Variants in AGAP1 observed in about 807,000 individuals in gnomAD.
AGAP1 encodes ArfGAP with GTPase domain, ankyrin repeat and PH domain 1.
In AGAP1, 29 loss-of-function variants were observed where a neutral mutation model predicts 105.3. That is an observed-to-expected ratio of 0.28 (90% CI 0.21 to 0.38). The LOEUF (loss-of-function observed/expected upper bound fraction) is 0.38. Among genes scored for constraint, AGAP1 ranks in the 10% least tolerant of loss-of-function variants. AGAP1 has a pLI of 1.00. For missense variants in AGAP1, 998 were observed against 1,165.1 expected, an observed-to-expected ratio of 0.86 and a Z score of 2.09; for synonymous variants, 509 against 485.9, an observed-to-expected ratio of 1.05 and a Z score of -0.63.
intron 9 of AGAP1, chr2:235,852,701 G>A: frequency 6.6e-7 from 1 of 1,512,382 alleles, no homozygotes; most frequent in Non-Finnish European, 8.9e-7. Flanking sequence ...GCCCTTCTTT[G>A]TCCTTGCACT....
At position 235,744,808 on chromosome 2, in the gene AGAP1, C is replaced by T. The variant is rs757710967; in HGVS notation, c.507C>T (p.Ser169=). 4.8e-5 allele frequency: 77 copies of T among 1,613,964 alleles called. 1 individual carries two copies. Among genetic ancestry groups the T allele is most frequent in the South Asian group, 1.6e-4 (15 of 91,072 alleles). Residue 169 remains serine (S), a synonymous_variant, in exon 5 of 18, where the codon AGC becomes AGT. Transcript: ENST00000304032. This position sits in a 1 kb window ranked among gnomAD's most constrained non-coding sequence, Gnocchi z 5.2. The part of the protein sequence containing the change: ...YSRMANYRNT[S]EIPLVLVGTQ... ...GAATGGCCAACTATCGGAACACGAG[C>T]GAGATTCCTCTGGTTCTGGTGGGAA...
At chr2:235,884,194 T>C (rs10178509) in intron 10 of AGAP1, among the ~76,000 whole-genome samples, 62,820 of 151,950 alleles carry the variant, frequency 0.41, 13,215 homozygotes, top group South Asian at 0.64. Context: ...GTCAGTCATT[T>C]GATTCCATTG....
At chr2:235,646,471 T>G (rs1947390792) in intron 1 of AGAP1, among the ~76,000 whole-genome samples, 1 of 152,148 alleles carries the variant, frequency 6.6e-6, no homozygotes, top group Admixed American at 6.5e-5. Flanking sequence ...TCAGGAATAA[T>G]TTTATTGACC....
rs976361813 is a variant in AGAP1 at position 236,083,836 on chromosome 2, T to C, written c.2114+34555T>C. ...GTGCCTCTTCTGAGATCCCATTCGA[T>C]GCTCTGCCCTCAATTAAATGAATCC... is the stretch of plus-strand genomic sequence containing the variant. On this transcript the variant is annotated intron_variant, in intron 16 of 17. Coordinates refer to ENST00000304032, the MANE Select transcript of AGAP1 (RefSeq NM_001037131.3). The surrounding 1 kb of genome is among the most constrained non-coding windows in gnomAD (Gnocchi z 5.3). Among the ~76,000 whole-genome samples the C allele has an allele frequency of 3.9e-5, 6 of 152,144 alleles. No homozygotes were observed. Among genetic ancestry groups the C allele is most frequent in the African/African-American group, 1.4e-4 (6 of 41,418 alleles).
At chr2:235,581,707 G>A (rs1171104521) in intron 1 of AGAP1, among the ~76,000 whole-genome samples, 2 of 152,094 alleles carry the variant, frequency 1.3e-5, no homozygotes, top group African/African-American at 4.8e-5. Context: ...TCAAGAGGCT[G>A]AGGCAGAGAA....
At position 235,612,779 on chromosome 2, in the gene AGAP1, C is replaced by G. The variant is rs1946177436; in HGVS notation, c.164-96400C>G. 6.6e-6 allele frequency among the ~76,000 whole-genome samples: 1 copy of G among 152,152 alleles called. No individual in the cohort carries two copies. The highest frequency in any genetic ancestry group is 1.5e-5 in the Non-Finnish European group (1 of 68,018). ...ATGCCGGACGCATACCTGGCACCTG[C>G]TTCCAGGTTGGCCTGCCAGCCGATG... On this transcript the variant is annotated intron_variant, in intron 1 of 17. Coordinates refer to ENST00000304032, the MANE Select transcript of AGAP1 (RefSeq NM_001037131.3). The surrounding 1 kb of genome is among the most constrained non-coding windows in gnomAD (Gnocchi z 4.3).
chr2:236,044,208 T>C lies in AGAP1; in HGVS notation c.1891+3367T>C, dbSNP rs1481750528. Among the ~76,000 whole-genome samples the C allele has an allele frequency of 6.6e-6, 1 of 152,208 alleles. No individual in the cohort carries two copies. The highest frequency in any genetic ancestry group is 1.5e-5 in the Non-Finnish European group (1 of 68,032). On this transcript the variant is annotated intron_variant, in intron 15 of 17. Transcript: ENST00000304032. This position sits in a 1 kb window ranked among gnomAD's most constrained non-coding sequence, Gnocchi z 5.7. ...CTTCCGGGGAGTACTGCTCTGAAGC[T>C]ACCTGTTCAGCATGGCCCAACCCAG...
chr2:235,648,723 A>C (rs78897403), intron 1 of AGAP1, among the ~76,000 whole-genome samples: 6 of 151,586 alleles, frequency 4.0e-5, no homozygotes, highest in Non-Finnish European at 5.9e-5. Flanking sequence ...AAAAAAAAAA[A>C]AAAAAAAAAA....
chr2:235,743,896 C>T (rs1385826894), intron 4 of AGAP1, among the ~76,000 whole-genome samples: 1 of 152,224 alleles, frequency 6.6e-6, no homozygotes, highest in Non-Finnish European at 1.5e-5. Context: ...CTCTGCCCTG[C>T]AGGCAGCCTC....
intron 9 of AGAP1, among the ~76,000 whole-genome samples, chr2:235,819,609 G>A (rs1020615118): frequency 6.6e-6 from 1 of 152,132 alleles, no homozygotes; most frequent in Admixed American, 6.5e-5. Flanking sequence ...TGAGGCCCGT[G>A]TCAGATGCCT....
chr2:236,001,410 G>A lies in AGAP1; in HGVS notation c.1645+32787G>A, dbSNP rs2056115290. Among the ~76,000 whole-genome samples the A allele has an allele frequency of 6.6e-6, 1 of 152,240 alleles. No homozygotes were observed. Among genetic ancestry groups the A allele is most frequent in the Non-Finnish European group, 1.5e-5 (1 of 68,046 alleles). ...GTCCTCTGCACAGTAGGGAGCTGGG[G>A]AAGGTGTGTGGCTACTAACGTGAGC... On this transcript the variant is annotated intron_variant, in intron 13 of 17. Transcript: ENST00000304032. This position sits in a 1 kb window ranked among gnomAD's most constrained non-coding sequence, Gnocchi z 4.7.
At chr2:235,768,648 G>T (rs774721365) in intron 6 of AGAP1, among the ~76,000 whole-genome samples, 5 of 152,226 alleles carry the variant, frequency 3.3e-5, no homozygotes, top group Non-Finnish European at 5.9e-5. Context: ...AGGTGTTGCA[G>T]TCGAATCAGT....
chr2:235,929,901 A>T (rs1328615386), intron 11 of AGAP1, among the ~76,000 whole-genome samples: 1 of 152,194 alleles, frequency 6.6e-6, no homozygotes, highest in African/African-American at 2.4e-5. Flanking sequence ...GACAGCTTAG[A>T]ACTTAGCTGG....
chr2:235,641,301 T>TC (rs1947182284), intron 1 of AGAP1, among the ~76,000 whole-genome samples: 2 of 83,868 alleles, frequency 2.4e-5, no homozygotes, highest in African/African-American at 9.6e-5. Context: ...GATTCTTTCT[T>TC]TCTCTCTCTC....
Position 235,823,711 on chromosome 2 carries a change from G to A in AGAP1, c.1050+16380G>A, listed in dbSNP as rs376073713. ...GACCCAGATATTTTTATTGTATTGC[G>A]ACTGGTCAGCTTTTTCTAAGTTGAA... On this transcript the variant is annotated intron_variant, in intron 9 of 17. Coordinates refer to ENST00000304032, the MANE Select transcript of AGAP1 (RefSeq NM_001037131.3). Among the ~76,000 whole-genome samples the A allele has an allele frequency of 2.8e-4, 42 of 152,268 alleles. No homozygotes were observed. In the South Asian group the frequency reaches 7.7e-3, roughly 28 times the overall value.
At chr2:235,755,926 C>A (rs751520815) in intron 6 of AGAP1, among the ~76,000 whole-genome samples, 1 of 152,256 alleles carries the variant, frequency 6.6e-6, no homozygotes, top group Non-Finnish European at 1.5e-5. Flanking sequence ...GCTGAAAGGT[C>A]ACCTAAAATA....
chr2:235,760,988 AT>A (rs1221724744), intron 6 of AGAP1, among the ~76,000 whole-genome samples: 1 of 152,210 alleles, frequency 6.6e-6, no homozygotes, highest in African/African-American at 2.4e-5. Flanking sequence ...GAATATCTTA[AT>A]TATCATTGTG....
chr2:235,814,273 C>T (rs551104740), intron 9 of AGAP1, among the ~76,000 whole-genome samples: 3 of 152,294 alleles, frequency 2.0e-5, no homozygotes, highest in South Asian at 4.1e-4. Context: ...CCCATTTCAC[C>T]GGGATAATAT....
chr2:235,547,314 A>G (rs1388607119), intron 1 of AGAP1, among the ~76,000 whole-genome samples: 1 of 147,582 alleles, frequency 6.8e-6, no homozygotes, highest in African/African-American at 2.5e-5. Context: ...TCCTCCTATC[A>G]CCTGAATAAA....
Sources: allele counts gnomAD v4.1 joint callset (sites outside exome capture counted in the v4.1 genomes callset), GRCh38; gene constraint gnomAD v4.1.1; non-coding constraint Gnocchi (gnomAD v3.1); transcripts MANE v1.5; gene names NCBI Gene and HGNC (gene_info 2026-07-23, HGNC 2026-07-21).